Variants in PDE1C observed in about 807,000 individuals in gnomAD.
PDE1C encodes the protein dual specificity calcium/calmodulin-dependent 3',5'-cyclic nucleotide phosphodiesterase 1C.
Under a neutral mutation model 93.1 loss-of-function variants are expected in PDE1C, and 62 were observed. The ratio of observed to expected loss-of-function variants is 0.67; its 90% CI spans 0.54 to 0.82. The LOEUF (loss-of-function observed/expected upper bound fraction) is 0.82, where lower values mean the gene tolerates loss of function less well. Among genes scored for constraint, PDE1C ranks in the 40% least tolerant of loss-of-function variants. The probability of loss-of-function intolerance (pLI) is 0.00; values close to 1 mark genes in which losing one functional copy is unlikely to be tolerated. For synonymous variants in PDE1C, 325 were observed against 310.1 expected, an observed-to-expected ratio of 1.05 and a Z score of -0.50; for missense variants, 742 against 884.6, an observed-to-expected ratio of 0.84 and a Z score of 2.04.
At chr7:32,199,614 T>C (rs1434406475) in intron 2 of PDE1C, among the ~76,000 whole-genome samples, 2 of 152,228 alleles carry the variant, frequency 1.3e-5, no homozygotes, top group Admixed American at 6.5e-5. Flanking sequence ...TGCTATATTT[T>C]ACATTTCTTG....
chr7:31,835,058 G>T (rs1051053427), intron 11 of PDE1C, among the ~76,000 whole-genome samples: 1 of 151,916 alleles, frequency 6.6e-6, no homozygotes, highest in Non-Finnish European at 1.5e-5. Flanking sequence ...CCTTTCACTT[G>T]GTCCTCATTC....
At chr7:31,790,251 CT>C (rs1784424782) in intron 16 of PDE1C, 2 of 1,612,260 alleles carry the variant, frequency 1.2e-6, no homozygotes, top group Non-Finnish European at 1.7e-6. Context: ...CTTTTTTACT[CT>C]TGTGAATCTG....
intron 2 of PDE1C, among the ~76,000 whole-genome samples, chr7:31,896,013 A>ACATACATACATACATG (rs1554399995): frequency 2.0e-5 from 3 of 151,928 alleles, no homozygotes; most frequent in African/African-American, 4.8e-5. Context: ...ATACATACAT[A>ACATACATACATACATG]CATACATACA....
At chr7:31,683,922 G>T in the PDE1C span, among the ~76,000 whole-genome samples, 1 of 152,134 alleles carries the variant, frequency 6.6e-6, no homozygotes, top group Non-Finnish European at 1.5e-5. Flanking sequence ...AGGAATGAAG[G>T]CACAAGTGAA....
intron 1 of PDE1C, among the ~76,000 whole-genome samples, chr7:32,398,916 GC>G (rs1037900028): frequency 6.6e-6 from 1 of 152,260 alleles, no homozygotes; most frequent in South Asian, 2.1e-4. Context: ...CAGATCACCA[GC>G]ACATAGGGTA....
chr7:31,959,790 T>G (rs1249460723), intron 2 of PDE1C, among the ~76,000 whole-genome samples: 1 of 152,158 alleles, frequency 6.6e-6, no homozygotes, highest in African/African-American at 2.4e-5. Context: ...TTGCATACAC[T>G]TTAAGGAATG....
chr7:32,186,606 C>G (rs1044268574), intron 2 of PDE1C, among the ~76,000 whole-genome samples: 1 of 151,736 alleles, frequency 6.6e-6, no homozygotes, highest in Non-Finnish European at 1.5e-5. Context: ...TTTTTATTTT[C>G]TAGGTAACAA....
chr7:31,653,444 A>T, the PDE1C span: 1 of 151,876 alleles, frequency 6.6e-6, no homozygotes, highest in Non-Finnish European at 1.5e-5. Context: ...TCAGATATGC[A>T]TTTGTCTCGG....
intron 17 of PDE1C, among the ~76,000 whole-genome samples, chr7:31,771,583 C>A (rs1362220573): frequency 1.3e-5 from 2 of 152,068 alleles, no homozygotes; most frequent in African/African-American, 2.4e-5. Flanking sequence ...GTTGTTGCTG[C>A]TGCTGTTGAG....
intron 5 of PDE1C, among the ~76,000 whole-genome samples, chr7:31,875,061 AG>A (rs1451624570): frequency 2.0e-5 from 3 of 152,196 alleles, no homozygotes; most frequent in Non-Finnish European, 2.9e-5. Context: ...CGCAGGCTAT[AG>A]ACAGCAAGGA....
intron 2 of PDE1C, among the ~76,000 whole-genome samples, chr7:31,888,792 T>C (rs1467660472): frequency 1.3e-5 from 2 of 151,554 alleles, no homozygotes; most frequent in Admixed American, 6.6e-5. Flanking sequence ...ATAATAGACA[T>C]AGGACTGGAA....
chr7:32,349,521 G>A (rs575827829), intron 1 of PDE1C, among the ~76,000 whole-genome samples: 1 of 152,300 alleles, frequency 6.6e-6, no homozygotes, highest in South Asian at 2.1e-4. Flanking sequence ...TCTCTGGAGA[G>A]GTGTTTTCTA....
chr7:31,788,676 C>G (rs1020150096), intron 16 of PDE1C: 2 of 152,118 alleles, frequency 1.3e-5, no homozygotes. Context: ...CCTGCTAGGC[C>G]CCTGAAGTCA....
chr7:31,680,031 C>A, the PDE1C span, among the ~76,000 whole-genome samples: 1 of 152,318 alleles, frequency 6.6e-6, no homozygotes, highest in Admixed American at 6.5e-5. Context: ...CAGAGAGTGT[C>A]CGGATGCACC....
chr7:31,848,574 C>T (rs1417231692), intron 8 of PDE1C, among the ~76,000 whole-genome samples: 1 of 151,946 alleles, frequency 6.6e-6, no homozygotes, highest in South Asian at 2.1e-4. Flanking sequence ...CAACATTTTT[C>T]CATGCAAAAG....
intron 1 of PDE1C, among the ~76,000 whole-genome samples, chr7:32,325,851 G>A (rs1369193728): frequency 6.6e-6 from 1 of 152,160 alleles, no homozygotes; most frequent in Non-Finnish European, 1.5e-5. Flanking sequence ...GGAGGGTTCT[G>A]AGCCCAAGAG....
the PDE1C span, among the ~76,000 whole-genome samples, chr7:31,743,241 T>TA: frequency 6.6e-6 from 1 of 152,188 alleles, no homozygotes; most frequent in African/African-American, 2.4e-5. Flanking sequence ...GTCTAATCCA[T>TA]AACATGATGT....
intron 2 of PDE1C, among the ~76,000 whole-genome samples, chr7:32,007,248 G>T (rs1346378080): frequency 1.3e-5 from 2 of 152,094 alleles, no homozygotes; most frequent in African/African-American, 2.4e-5. Flanking sequence ...TCTGTACATA[G>T]GCCATGTGTC....
In PDE1C at chr7:32,267,060, G is replaced by A. The variant is rs1439806722; in HGVS notation, c.85+31591C>T. On this transcript the variant is annotated intron_variant, in intron 1 of 18. Coordinates refer to the PDE1C transcript ENST00000396193. ...GGAGTTCAGAGTGTCCCAGGGACTC[G>A]CCTGCCTCAGTTTCCCTGCCACCTG... Among the ~76,000 whole-genome samples, 3 of 152,214 alleles carry A rather than the reference G, an allele frequency of 2.0e-5. No homozygotes were observed. The East Asian group carries it at 5.8e-4, about 29-fold the overall frequency.
Sources: allele counts gnomAD v4.1 joint callset (sites outside exome capture counted in the v4.1 genomes callset), GRCh38; gene constraint gnomAD v4.1.1; transcripts MANE v1.5; gene names NCBI Gene and HGNC (gene_info 2026-07-23, HGNC 2026-07-21).